Variants in SGMS2 observed in about 807,000 individuals in gnomAD.
The protein encoded by SGMS2 is sphingomyelin synthase 2, also known as phosphatidylcholine:ceramide cholinephosphotransferase 2.
A neutral mutation model predicts 43.8 loss-of-function variants in SGMS2; 21 were observed. That is an observed-to-expected ratio of 0.48 (90% confidence interval 0.34 to 0.69). The LOEUF is 0.69. Among genes scored for constraint, SGMS2 ranks in the 30% least tolerant of loss-of-function variants. The pLI is 0.01. For synonymous variants in SGMS2, 167 were observed against 160.6 expected, an observed-to-expected ratio of 1.04 and a Z score of -0.30; for missense variants, 384 against 443.2, an observed-to-expected ratio of 0.87 and a Z score of 1.20.
chr4:107,865,944 G>A (rs1286157021), intron 2 of SGMS2, among the ~76,000 whole-genome samples: 1 of 152,112 alleles, frequency 6.6e-6, no homozygotes, highest in Non-Finnish European at 1.5e-5. Context: ...AAAAGTATAA[G>A]ATCAACCATA....
At chr4:107,838,234 T>G (rs1726304302) in intron 1 of SGMS2, among the ~76,000 whole-genome samples, 1 of 152,214 alleles carries the variant, frequency 6.6e-6, no homozygotes, top group Non-Finnish European at 1.5e-5. Flanking sequence ...GTTCTCTTGT[T>G]AAGTTCTTAA....
chr4:107,842,762 G>C (rs1456656939), intron 1 of SGMS2, among the ~76,000 whole-genome samples: 3 of 152,104 alleles, frequency 2.0e-5, no homozygotes, highest in African/African-American at 4.8e-5. Context: ...AGCCACTAGT[G>C]CCAGATAGAT....
intron 1 of SGMS2, among the ~76,000 whole-genome samples, chr4:107,848,152 A>C (rs560719269): frequency 2.0e-5 from 3 of 152,278 alleles, no homozygotes; most frequent in Admixed American, 6.5e-5. Context: ...AATTTCATGT[A>C]GTTGGAATCA....
At chr4:107,866,697 T>G (rs1728151620) in intron 2 of SGMS2, among the ~76,000 whole-genome samples, 3 of 152,210 alleles carry the variant, frequency 2.0e-5, no homozygotes. Context: ...TCTTTATCAA[T>G]AAATTACCTT....
At chr4:107,859,001 A>G (rs1373087142) in intron 2 of SGMS2, among the ~76,000 whole-genome samples, 2 of 152,212 alleles carry the variant, frequency 1.3e-5, no homozygotes, top group Admixed American at 6.5e-5. Flanking sequence ...TTCTGTTTTT[A>G]TAGTTATCTA....
intron 4 of SGMS2, among the ~76,000 whole-genome samples, chr4:107,900,560 G>C (rs539571058): frequency 1.7e-4 from 26 of 152,328 alleles, no homozygotes; most frequent in African/African-American, 6.0e-4. Context: ...CTGAGATAGT[G>C]TGTGAGGATG....
chr4:107,849,098 C>A (rs1432519952), intron 1 of SGMS2, among the ~76,000 whole-genome samples: 1 of 152,088 alleles, frequency 6.6e-6, no homozygotes, highest in Non-Finnish European at 1.5e-5. Context: ...GCAGTACTTT[C>A]AACATGCAGA....
chr4:107,862,225 T>G (rs372931627), intron 2 of SGMS2, among the ~76,000 whole-genome samples: 3 of 152,316 alleles, frequency 2.0e-5, no homozygotes, highest in Admixed American at 6.5e-5. Context: ...GCCCACAGTG[T>G]TTTGTTCTAG....
intron 2 of SGMS2, chr4:107,867,174 C>T (rs1166906617): frequency 6.6e-6 from 1 of 152,210 alleles, no homozygotes; most frequent in Non-Finnish European, 1.5e-5. Flanking sequence ...TACTACTCTC[C>T]TCCACATAGT....
At chr4:107,897,728 G>A (rs749774282) in intron 3 of SGMS2, among the ~76,000 whole-genome samples, 7 of 152,072 alleles carry the variant, frequency 4.6e-5, no homozygotes, top group Non-Finnish European at 8.8e-5. Flanking sequence ...TGTTTCAGTC[G>A]CAATTCACAC....
chr4:107,870,517 A>G (rs546694543), intron 2 of SGMS2, among the ~76,000 whole-genome samples: 12 of 152,284 alleles, frequency 7.9e-5, no homozygotes, highest in East Asian at 7.7e-4. Flanking sequence ...TCTTAGAGCT[A>G]TGAACTCTTA....
At chr4:107,825,528 C>T (rs985960427) in intron 1 of SGMS2, among the ~76,000 whole-genome samples, 2 of 151,970 alleles carry the variant, frequency 1.3e-5, no homozygotes, top group African/African-American at 4.8e-5. Flanking sequence ...CCCAGATTGT[C>T]CAGAACCACT....
chr4:107,903,234 T>C lies in SGMS2; in HGVS notation c.575T>C (p.Leu192Pro), dbSNP rs1271763745. 5 of 1,613,794 alleles carry C rather than the reference T, an allele frequency of 3.1e-6. No homozygotes were observed. Among genetic ancestry groups the C allele is most frequent in the Non-Finnish European group, 4.2e-6 (5 of 1,179,832 alleles). The change falls in exon 5 of 7, where the codon CTC (leucine) becomes CCC (proline). Residue 192 changes from leucine (L) to proline (P), a missense_variant and splice_region_variant. Coordinates refer to ENST00000690982, the MANE Select transcript of SGMS2 (RefSeq NM_001375905.1). ...PGMHFQCAPK[L>P]NGDSQAKVQR... ...TCTTAATCTTCTTGTGTCATTCAGC[T>C]CAATGGAGACTCTCAGGCAAAAGTT... is the stretch of plus-strand genomic sequence containing the variant.
At chr4:107,875,333 G>C (rs1728831455) in intron 2 of SGMS2, among the ~76,000 whole-genome samples, 1 of 152,150 alleles carries the variant, frequency 6.6e-6, no homozygotes, top group Non-Finnish European at 1.5e-5. Context: ...CCATAAAAAA[G>C]AATGAGATCA....
At position 107,913,898 on chromosome 4, in the gene SGMS2, C is replaced by G. The variant is rs181942136; in HGVS notation, c.*3345C>G. Reference sequence around the variant, plus strand: ...CCTTGAATAGTTTGAACATTTCTTTCTTAATTCTTTTTTGTTTTTGTTTTG... The same window carrying G: ...CCTTGAATAGTTTGAACATTTCTTTGTTAATTCTTTTTTGTTTTTGTTTTG... On this transcript the variant is annotated 3_prime_UTR_variant, in exon 7 of 7. Transcript: ENST00000690982. 1.3e-3 allele frequency: 199 copies of G among 152,084 alleles called. No individual in the cohort carries two copies. Among genetic ancestry groups the G allele is most frequent in the African/African-American group, 4.6e-3 (193 of 41,520 alleles). The allele number at this position is 152,084 out of a possible 1,614,324, so 9.4% of individuals were successfully genotyped here.
At chr4:107,836,012 T>G (rs776630166) in intron 1 of SGMS2, among the ~76,000 whole-genome samples, 3 of 152,238 alleles carry the variant, frequency 2.0e-5, no homozygotes, top group Non-Finnish European at 2.9e-5. Flanking sequence ...AAGAAACAGA[T>G]GTAATTATGT....
At chr4:107,910,172 AGGTGT>A (rs1731994726) in intron 6 of SGMS2, among the ~76,000 whole-genome samples, 173 bp from the exon 7 acceptor site, 1 of 152,190 alleles carries the variant, frequency 6.6e-6, no homozygotes, top group Non-Finnish European at 1.5e-5. Context: ...AAAGACACCT[AGGTGT>A]GTTAGGGGAG....
intron 2 of SGMS2, among the ~76,000 whole-genome samples, chr4:107,871,777 A>G (rs1728572609): frequency 6.6e-6 from 1 of 152,180 alleles, no homozygotes; most frequent in East Asian, 1.9e-4. Context: ...GATAAAATTT[A>G]AAAACGTCTG....
intron 2 of SGMS2, among the ~76,000 whole-genome samples, chr4:107,866,531 A>T (rs1035586373): frequency 6.6e-6 from 1 of 151,694 alleles, no homozygotes; most frequent in Non-Finnish European, 1.5e-5. Context: ...GCGCCATTGC[A>T]CTCCAGCCTG....
Sources: allele counts gnomAD v4.1 joint callset (sites outside exome capture counted in the v4.1 genomes callset), GRCh38; gene constraint gnomAD v4.1.1; transcripts MANE v1.5; gene names NCBI Gene and HGNC (gene_info 2026-07-23, HGNC 2026-07-21).